KIAA1217: variants seen among roughly 807,000 people sequenced by gnomAD.
KIAA1217 encodes KIAA1217.
A neutral mutation model predicts 163.9 loss-of-function variants in KIAA1217; 88 were observed. The ratio of observed to expected loss-of-function variants is 0.54; its 90% CI spans 0.45 to 0.64. The LOEUF (loss-of-function observed/expected upper bound fraction) is 0.64, where lower values mean the gene tolerates loss of function less well. Among genes scored for constraint, KIAA1217 ranks in the 30% least tolerant of loss-of-function variants. The pLI, the probability that KIAA1217 is intolerant of heterozygous loss-of-function variation, is 0.00. For synonymous variants in KIAA1217, 903 were observed against 923.1 expected (o/e 0.98, Z 0.39); for missense variants, 2,372 against 2,475.0 (o/e 0.96, Z 0.88).
intron 1 of KIAA1217, among the ~76,000 whole-genome samples, chr10:23,917,748 G>A (rs868335330): frequency 4.6e-5 from 7 of 152,142 alleles, no homozygotes; most frequent in Admixed American, 6.6e-5. Context: ...TCTGTTTCTC[G>A]CTCCCACAGC....
At chr10:24,170,647 C>T (rs74619913) in intron 2 of KIAA1217, among the ~76,000 whole-genome samples, 2,661 of 152,250 alleles carry the variant, frequency 0.017, 27 homozygotes, top group Middle Eastern at 0.058. Context: ...GCTTCTGACG[C>T]TATATAAATA....
chr10:23,944,467 TA>T (rs145351511), intron 1 of KIAA1217, among the ~76,000 whole-genome samples: 3,057 of 144,356 alleles, frequency 0.021, 61 homozygotes, highest in Admixed American at 0.066. Context: ...TAATAAGCTC[TA>T]AAAAAAAAAG....
intron 2 of KIAA1217, among the ~76,000 whole-genome samples, chr10:24,361,657 T>C (rs1157819061): frequency 2.6e-5 from 4 of 152,190 alleles, no homozygotes; most frequent in Non-Finnish European, 5.9e-5. Flanking sequence ...AACTGTAGAT[T>C]ATTTTCTTGG....
At chr10:23,844,896 G>A (rs982312733) in intron 1 of KIAA1217, among the ~76,000 whole-genome samples, 1 of 151,734 alleles carries the variant, frequency 6.6e-6, no homozygotes, top group Non-Finnish European at 1.5e-5. Flanking sequence ...CTAGCCCCCC[G>A]CACCTCGACA....
intron 1 of KIAA1217, 69 bp downstream of exon 1, chr10:24,209,332 T>C: frequency 4.3e-6 from 5 of 1,162,264 alleles, no homozygotes; most frequent in Non-Finnish European, 6.3e-6. Context: ...CTGCTTTTTA[T>C]AAACTGCAGC....
intron 3 of KIAA1217, among the ~76,000 whole-genome samples, chr10:24,430,765 A>T (rs1441054127): frequency 6.6e-6 from 1 of 152,162 alleles, no homozygotes; most frequent in Non-Finnish European, 1.5e-5. Flanking sequence ...TGCTGATCTG[A>T]CAGGAGGTGG....
chr10:24,428,181 G>A (rs74125409), intron 3 of KIAA1217, among the ~76,000 whole-genome samples: 4,089 of 152,302 alleles, frequency 0.027, 190 homozygotes, highest in African/African-American at 0.092. Context: ...GGACGCCATT[G>A]GTGGCCTTTC....
chr10:24,035,055 G>A (rs1011107845), intron 2 of KIAA1217, among the ~76,000 whole-genome samples: 4 of 152,134 alleles, frequency 2.6e-5, no homozygotes, highest in South Asian at 2.1e-4. Context: ...TGTGGATTGC[G>A]GCCAGACTTT....
Position 24,532,013 on chromosome 10 carries a change from G to T in KIAA1217, c.3246+20G>T. On this transcript the variant is annotated intron_variant, in intron 15 of 20. Transcript: ENST00000376454. The stretch of plus-strand genomic sequence containing the variant: ...GCTAAGGTCTGATAGGCTAAGCCCT[G>T]GTAAACTGGCCTCTGGGTTCAGATG... 1 of 1,472,382 alleles carries T rather than the reference G, an allele frequency of 6.8e-7. No individual in the cohort carries two copies. Among genetic ancestry groups the T allele is most frequent in the Non-Finnish European group, 9.1e-7 (1 of 1,100,370 alleles). The allele number at this position is 1,472,382 out of a possible 1,614,324, so 91.2% of individuals were successfully genotyped here. A position where few individuals can be genotyped will look rare whatever the true frequency, so the allele number is the denominator to read the frequency against.
At chr10:23,978,375 G>C (rs1845627829) in intron 1 of KIAA1217, among the ~76,000 whole-genome samples, 1 of 152,190 alleles carries the variant, frequency 6.6e-6, no homozygotes, top group Non-Finnish European at 1.5e-5. Flanking sequence ...TCTGGTCAGA[G>C]ACATAATTAT....
At chr10:24,344,223 A>G (rs1355335198) in intron 2 of KIAA1217, among the ~76,000 whole-genome samples, 1 of 152,236 alleles carries the variant, frequency 6.6e-6, no homozygotes, top group Non-Finnish European at 1.5e-5. Context: ...AATAGCATCT[A>G]GAAGGATATT....
chr10:24,427,796 T>C (rs2059290864), intron 3 of KIAA1217, among the ~76,000 whole-genome samples: 1 of 152,186 alleles, frequency 6.6e-6, no homozygotes, highest in South Asian at 2.1e-4. Context: ...CTAGAAACCA[T>C]GTGGGCTTTT....
intron 3 of KIAA1217, among the ~76,000 whole-genome samples, chr10:24,390,458 A>AGG (rs1342585314): frequency 2.0e-5 from 2 of 100,652 alleles, no homozygotes; most frequent in African/African-American, 9.9e-5. Context: ...TGGGGGAAAA[A>AGG]AGGAGGGAGG....
chr10:24,277,011 G>A (rs751090989), intron 2 of KIAA1217, among the ~76,000 whole-genome samples: 3 of 152,090 alleles, frequency 2.0e-5, no homozygotes, highest in Admixed American at 1.3e-4. Context: ...CTCCCACCTC[G>A]GCCTCCCAAA....
intron 9 of KIAA1217, 93 bp downstream of exon 9, chr10:24,501,638 A>G: frequency 8.8e-7 from 1 of 1,139,746 alleles, no homozygotes; most frequent in South Asian, 1.5e-5. Flanking sequence ...TAGAGAATGT[A>G]GAACCATAGA....
chr10:24,415,533 CATT>C, intron 3 of KIAA1217, among the ~76,000 whole-genome samples: 1 of 152,158 alleles, frequency 6.6e-6, no homozygotes, highest in East Asian at 1.9e-4. Context: ...ACTTTACAAA[CATT>C]AGATAAGCCT....
intron 1 of KIAA1217, among the ~76,000 whole-genome samples, chr10:24,214,350 G>A (rs1186223926): frequency 1.3e-5 from 2 of 152,140 alleles, no homozygotes; most frequent in Non-Finnish European, 2.9e-5. Flanking sequence ...CTGTGGCCAG[G>A]TGGATTTCCT....
At chr10:24,336,392 GT>G (rs2046362131) in intron 2 of KIAA1217, among the ~76,000 whole-genome samples, 1 of 152,206 alleles carries the variant, frequency 6.6e-6, no homozygotes, top group East Asian at 1.9e-4. Flanking sequence ...TTTGCTAAGT[GT>G]GCTTAACAAT....
chr10:24,132,011 A>G (rs1365541949), intron 2 of KIAA1217, among the ~76,000 whole-genome samples: 1 of 152,188 alleles, frequency 6.6e-6, no homozygotes, highest in Non-Finnish European at 1.5e-5. Context: ...TGAATACAGC[A>G]TGAGGTTCTG....
Sources: allele counts gnomAD v4.1 joint callset (sites outside exome capture counted in the v4.1 genomes callset), GRCh38; gene constraint gnomAD v4.1.1; transcripts MANE v1.5; gene names NCBI Gene and HGNC (gene_info 2026-07-23, HGNC 2026-07-21).